DNAH10: variants seen among roughly 807,000 people sequenced by gnomAD.
The protein encoded by DNAH10 is axonemal beta dynein heavy chain 10.
In DNAH10, 348 loss-of-function variants were observed where a neutral mutation model predicts 506.6. The observed-to-expected ratio is 0.69, with a 90% CI of 0.63 to 0.75. The LOEUF (loss-of-function observed/expected upper bound fraction) is 0.75, where lower values mean the gene tolerates loss of function less well. Among genes scored for constraint, DNAH10 ranks in the 30% least tolerant of loss-of-function variants. The pLI, the probability that DNAH10 is intolerant of heterozygous loss-of-function variation, is 0.00. For synonymous variants in DNAH10, 2,059 were observed against 2,198.6 expected (o/e 0.94, Z 1.78); for missense variants, 5,179 against 5,787.1 (o/e 0.89, Z 3.41).
intron 54 of DNAH10, among the ~76,000 whole-genome samples, chr12:123,896,148 C>CACACACAGAGAGAGAG (rs1383690518): frequency 3.0e-4 from 29 of 95,310 alleles, no homozygotes; most frequent in African/African-American, 8.3e-4. Context: ...CACACACACA[C>CACACACAGAGAGAGAG]AGAGAGAGAG....
rs867138131 is a variant in DNAH10, at chr12:123,913,110, G to T, written c.10147G>T (p.Glu3383Ter). ...TGTCTTCACTTAGGTGGCCAGGCTG[G>T]AGCGGAATTTTTACCTCACTAAACG... is the stretch of plus-strand genomic sequence containing the variant. ...KPKREKVARLERNFYLTKREL... is the reference protein window; with the variant it reads ...KPKREKVARL The change falls in exon 60 of 79, where the codon GAG (glutamate) becomes TAG (stop). Residue 3383 changes from glutamate to a stop codon, truncating the protein, a stop_gained. Coordinates refer to ENST00000673944, the MANE Select transcript of DNAH10 (RefSeq NM_001372106.1). LOFTEE classifies it high-confidence loss of function. This position sits in a 1 kb window ranked among gnomAD's most constrained non-coding sequence, Gnocchi z 5.1. 1 of 1,610,000 alleles carries T rather than the reference G, an allele frequency of 6.2e-7. No individual in the cohort carries two copies. Among genetic ancestry groups the T allele is most frequent in the African/African-American group, 1.3e-5 (1 of 74,988 alleles).
chr12:123,935,579 G>C lies in DNAH10; in HGVS notation c.*98G>C. The C allele has an allele frequency of 7.7e-7, 1 of 1,298,792 alleles. No homozygotes were observed. The highest frequency in any genetic ancestry group is 1.0e-6 in the Non-Finnish European group (1 of 954,348). The allele number at this position is 1,298,792 out of a possible 1,614,324, so 80.5% of individuals were successfully genotyped here. A position where few individuals can be genotyped will look rare whatever the true frequency, so the allele number is the denominator to read the frequency against. The stretch of plus-strand genomic sequence containing the variant: ...TCTTGGGGCCTCTCAAGAGGCAGGA[G>C]GGGGACTGACACTGATTTTTCATTT... On this transcript the variant is annotated 3_prime_UTR_variant, in exon 79 of 79. Transcript: ENST00000673944.
rs778688644 is a variant in DNAH10, at chr12:123,933,500, G to A, written c.13466G>A (p.Arg4489Gln). Reference protein sequence around the residue: ...KFQDADEVNERAGQGCFVSGL... With the variant: ...KFQDADEVNEQAGQGCFVSGL... Reference sequence around the variant, plus strand: ...CAGGATGCAGATGAAGTGAATGAGCGGGCGGGACAAGGTACCGTCAGCTCG... The same window carrying A: ...CAGGATGCAGATGAAGTGAATGAGCAGGCGGGACAAGGTACCGTCAGCTCG... Residue 4489 changes from arginine (R) to glutamine (Q), a missense_variant, in exon 77 of 79, where the codon CGG (arginine) becomes CAG (glutamine). Physicochemically the swap from Arg to Gln is conservative, Grantham distance 43. Coordinates refer to ENST00000673944, the MANE Select transcript of DNAH10 (RefSeq NM_001372106.1). The A allele has an allele frequency of 4.7e-5, 76 of 1,602,558 alleles. No homozygotes were observed. The highest frequency in any genetic ancestry group is 6.0e-5 in the Non-Finnish European group (70 of 1,173,158).
intron 30 of DNAH10, among the ~76,000 whole-genome samples, chr12:123,842,924 A>G (rs751156796): frequency 6.6e-5 from 10 of 152,230 alleles, no homozygotes; most frequent in African/African-American, 2.4e-5. Context: ...TGGGCGATTT[A>G]TTATGCTAGA....
At chr12:123,795,157 AAAAAAG>A (rs1252694122) in intron 12 of DNAH10, among the ~76,000 whole-genome samples, 4 of 151,522 alleles carry the variant, frequency 2.6e-5, no homozygotes, top group Non-Finnish European at 5.9e-5. Flanking sequence ...AAAAAAAAAA[AAAAAAG>A]AAAAAAGAAA....
At chr12:123,908,515 C>T (rs1222039795) in intron 57 of DNAH10, 1 of 456,150 alleles carries the variant, frequency 2.2e-6, no homozygotes, top group Admixed American at 2.3e-5. Context: ...CTGGGAGACT[C>T]CTGTGGCTTT....
chr12:123,856,607 C>T (rs1951401309), intron 36 of DNAH10, among the ~76,000 whole-genome samples: 1 of 150,910 alleles, frequency 6.6e-6, no homozygotes, highest in Admixed American at 6.6e-5. Context: ...GCTGGAATTA[C>T]AGGCATGAGC....
At chr12:123,905,118 T>C (rs1953715184) in intron 57 of DNAH10, among the ~76,000 whole-genome samples, 1 of 152,232 alleles carries the variant, frequency 6.6e-6, no homozygotes, top group Non-Finnish European at 1.5e-5. Context: ...ACCCTATGCA[T>C]ATCTTTCTGC....
chr12:123,870,699 G>A (rs1390950341), intron 44 of DNAH10, among the ~76,000 whole-genome samples: 1 of 152,134 alleles, frequency 6.6e-6, no homozygotes, highest in African/African-American at 2.4e-5. Flanking sequence ...AGCATCTTCC[G>A]TGGCTCTGCC....
Position 123,762,664 on chromosome 12 carries a change from G to T in DNAH10, c.214+114G>T, listed in dbSNP as rs1158883960. The stretch of plus-strand genomic sequence containing the variant: ...CCATCGTCCGGCCCCGGCCTCAGGT[G>T]CTGTCCACAAACGCTGCCGCCCGCC... On this transcript the variant is annotated intron_variant, in intron 1 of 78. Transcript: ENST00000673944. The surrounding 1 kb of genome is among the most constrained non-coding windows in gnomAD (Gnocchi z 5.0). 4.4e-5 allele frequency: 51 copies of T among 1,162,690 alleles called. No homozygotes were observed. Among genetic ancestry groups the T allele is most frequent in the Non-Finnish European group, 5.8e-6 (5 of 858,164 alleles). 72.0% of individuals were successfully genotyped at this position (1,162,690 alleles called of 1,614,324 possible). A position where few individuals can be genotyped will look rare whatever the true frequency, so the allele number is the denominator to read the frequency against.
Position 123,935,589 on chromosome 12 carries a change from C to A in DNAH10, c.*108C>A. 1 of 1,215,972 alleles carries A rather than the reference C, an allele frequency of 8.2e-7. No homozygotes were observed. The highest frequency in any genetic ancestry group is 1.1e-6 in the Non-Finnish European group (1 of 894,068). The allele number at this position is 1,215,972 out of a possible 1,614,324, so 75.3% of individuals were successfully genotyped here. On this transcript the variant is annotated 3_prime_UTR_variant, in exon 79 of 79. Transcript: ENST00000673944. ...TCTCAAGAGGCAGGAGGGGGACTGA[C>A]ACTGATTTTTCATTTGAAATCAGCC... is the stretch of plus-strand genomic sequence containing the variant.
Position 123,796,753 on chromosome 12 carries a change from C to T in DNAH10, c.2084C>T (p.Ser695Phe), listed in dbSNP as rs137932597. The T allele has an allele frequency of 6.2e-7, 1 of 1,614,124 alleles. No individual in the cohort carries two copies. The highest frequency in any genetic ancestry group is 1.1e-5 in the South Asian group (1 of 91,066). The change falls in exon 13 of 79, where the codon TCT becomes TTT. Residue 695 changes from serine to phenylalanine, a missense_variant. Ser to Phe is a radical substitution (Grantham distance 155, BLOSUM62 -2). Coordinates refer to ENST00000673944, the MANE Select transcript of DNAH10 (RefSeq NM_001372106.1). ...PVAGAIYWER[S>F]LFFRIKHTIL... Reference sequence around the variant, plus strand: ...GCAGGTGCAATATACTGGGAACGATCTCTGTTCTTTCGGATTAAGCATACC... The same window carrying T: ...GCAGGTGCAATATACTGGGAACGATTTCTGTTCTTTCGGATTAAGCATACC...
At chr12:123,876,446 A>G (rs1477785093) in intron 47 of DNAH10, among the ~76,000 whole-genome samples, 1 of 152,070 alleles carries the variant, frequency 6.6e-6, no homozygotes, top group Admixed American at 6.6e-5. Context: ...TAGCCTGGTC[A>G]ACATAGCAAA....
At chr12:123,799,537 G>A (rs1367529828) in intron 14 of DNAH10, among the ~76,000 whole-genome samples, 166 bp downstream of exon 14, 2 of 152,100 alleles carry the variant, frequency 1.3e-5, no homozygotes, top group African/African-American at 4.8e-5. Flanking sequence ...GAGATGGCAC[G>A]ATGCCATGGC....
intron 24 of DNAH10, among the ~76,000 whole-genome samples, chr12:123,822,100 G>C (rs931351718): frequency 6.6e-6 from 1 of 152,150 alleles, no homozygotes; most frequent in Non-Finnish European, 1.5e-5. Flanking sequence ...CCAGCTGCTT[G>C]GGAGGCTAAG....
rs771868851 is a variant in DNAH10 at position 123,841,533 on chromosome 12, A to T, written c.5348A>T (p.Glu1783Val). Residue 1783 changes from glutamate to valine, a missense_variant, in exon 30 of 79, where the codon GAA becomes GTA. Glu to Val is a moderately radical substitution (Grantham distance 121, BLOSUM62 -2). This residue lies in a region of DNAH10 where 4,844 missense variants were observed against 5,430.5 expected (regional missense o/e 0.89). Transcript: ENST00000673944. ...AAAGAGGCTATTTTTAGATACTGTGAAGACAGAAGCAGGTAAGGCTGCGAA... is the reference window on the plus strand; with the variant it reads ...AAAGAGGCTATTTTTAGATACTGTGTAGACAGAAGCAGGTAAGGCTGCGAA... Reference protein sequence around the residue: ...ITKEAIFRYCEDRSRVDWMLL... With the variant: ...ITKEAIFRYCVDRSRVDWMLL... 2.5e-6 allele frequency: 4 copies of T among 1,613,926 alleles called. No homozygotes were observed.
intron 24 of DNAH10, among the ~76,000 whole-genome samples, chr12:123,821,250 C>CA (rs975618107): frequency 6.0e-4 from 80 of 134,074 alleles, no homozygotes; most frequent in Non-Finnish European, 6.3e-4. Context: ...AACTCCATCT[C>CA]AAAAAAAAAA....
intron 38 of DNAH10, among the ~76,000 whole-genome samples, chr12:123,860,108 C>T (rs1951558397): frequency 1.3e-5 from 2 of 151,994 alleles, no homozygotes; most frequent in Admixed American, 1.3e-4. Context: ...GGATTCCTGA[C>T]TCCTCACTTC....
intron 5 of DNAH10, among the ~76,000 whole-genome samples, chr12:123,776,184 G>A (rs1039324553): frequency 1.3e-5 from 2 of 152,060 alleles, no homozygotes; most frequent in Non-Finnish European, 2.9e-5. Flanking sequence ...CCACATCAAG[G>A]GTGATGGTTA....
Sources: gnomAD v4.1 joint callset for allele counts (sites outside exome capture counted in the v4.1 genomes callset) on GRCh38, gnomAD v4.1.1 for gene constraint, gnomAD v4.1.1 regional missense constraint, Gnocchi (gnomAD v3.1) non-coding constraint, MANE v1.5 for transcripts, NCBI Gene and HGNC (gene_info 2026-07-23, HGNC 2026-07-21) for gene names.